FHIP2A: variants seen among roughly 807,000 people sequenced by gnomAD.
The protein encoded by FHIP2A is family with sequence similarity 160 member B1.
A neutral mutation model predicts 93.5 loss-of-function variants in FHIP2A; 46 were observed. The observed-to-expected ratio is 0.49, with a 90% CI of 0.39 to 0.63. FHIP2A has a LOEUF of 0.63. Among genes scored for constraint, FHIP2A ranks in the 20% least tolerant of loss-of-function variants. The pLI, the probability that FHIP2A is intolerant of heterozygous loss-of-function variation, is 0.00. For missense variants in FHIP2A, 769 were observed against 909.7 expected, an observed-to-expected ratio of 0.85 and a Z score of 1.99; for synonymous variants, 332 against 326.5, an observed-to-expected ratio of 1.02 and a Z score of -0.18.
chr10:114,827,878 A>ATTTC (rs1242731685), intron 1 of FHIP2A, among the ~76,000 whole-genome samples: 2 of 151,950 alleles, frequency 1.3e-5, no homozygotes, highest in Non-Finnish European at 2.9e-5. Flanking sequence ...AGCTTTGCAG[A>ATTTC]GAAAGCGAAG....
chr10:114,899,054 G>C (rs1566393128), intron 16 of FHIP2A, among the ~76,000 whole-genome samples: 1 of 152,192 alleles, frequency 6.6e-6, no homozygotes, highest in Non-Finnish European at 1.5e-5. Flanking sequence ...CCTCCTAGAG[G>C]ATGGACAACC....
At chr10:114,887,101 T>A (rs4752347) in intron 16 of FHIP2A, among the ~76,000 whole-genome samples, 81,145 of 151,984 alleles carry the variant, frequency 0.53, 22,010 homozygotes, top group African/African-American at 0.62. Flanking sequence ...GATGGAAAAC[T>A]TTGAGTCATT....
intron 16 of FHIP2A, among the ~76,000 whole-genome samples, chr10:114,876,592 C>A (rs1053467755): frequency 2.6e-5 from 4 of 152,172 alleles, no homozygotes; most frequent in African/African-American, 9.7e-5. Context: ...TTCTCAGAAC[C>A]CTCTCGGGTT....
chr10:114,843,333 T>G (rs1338808677), intron 6 of FHIP2A, 107 bp downstream of exon 6: 26 of 602,346 alleles, frequency 4.3e-5, no homozygotes, highest in South Asian at 8.0e-5. Context: ...TGAGATGGAG[T>G]CTTGCTGTGT....
At chr10:114,880,480 G>A (rs1465862723) in intron 16 of FHIP2A, among the ~76,000 whole-genome samples, 1 of 152,200 alleles carries the variant, frequency 6.6e-6, no homozygotes, top group African/African-American at 2.4e-5. Flanking sequence ...AGGAGTTGGA[G>A]ACCAGCCTGG....
intron 5 of FHIP2A, among the ~76,000 whole-genome samples, chr10:114,837,681 CATG>C (rs2083643995): frequency 6.6e-6 from 1 of 152,200 alleles, no homozygotes; most frequent in Non-Finnish European, 1.5e-5. Flanking sequence ...CACACTACCC[CATG>C]ATCCTCTGTA....
chr10:114,848,049 T>C (rs7911006), intron 12 of FHIP2A, among the ~76,000 whole-genome samples: 7,677 of 152,286 alleles, frequency 0.05, 344 homozygotes, highest in Admixed American at 0.12. Context: ...GATGTACTTA[T>C]TAAACATGTG....
At chr10:114,880,419 C>A (rs111273310) in intron 16 of FHIP2A, among the ~76,000 whole-genome samples, 17,697 of 152,152 alleles carry the variant, frequency 0.12, 1,549 homozygotes, top group African/African-American at 0.22. Flanking sequence ...GGGGCTCATG[C>A]CTGTAATCCC....
At chr10:114,846,949 C>A in intron 11 of FHIP2A, 141 bp from the exon 12 acceptor site, 2 of 833,282 alleles carry the variant, frequency 2.4e-6, no homozygotes, top group Non-Finnish European at 3.6e-6. Context: ...TGTTAATTTG[C>A]CTAGAAAATA....
Position 114,843,812 on chromosome 10 carries a change from A to G in FHIP2A, c.888A>G (p.Ala296=), listed in dbSNP as rs1469841214. The G allele has an allele frequency of 1.9e-6, 3 of 1,603,698 alleles. No individual in the cohort carries two copies. The highest frequency in any genetic ancestry group is 2.7e-5 in the African/African-American group (2 of 74,374). The change falls in exon 7 of 17, where the codon GCA becomes GCG. Residue 296 remains alanine, a synonymous_variant. Transcript: ENST00000369248. Reference sequence around the variant, plus strand: ...TAAGTTTGCCAGAGCCTGCGGCTGCAAAGTGCCTTACACAGAGCACTTGCT... The same window carrying G: ...TAAGTTTGCCAGAGCCTGCGGCTGCGAAGTGCCTTACACAGAGCACTTGCT... ...LLVSLPEPAA[A]KCLTQSTCLC... is the part of the protein sequence containing the mutation.
intron 16 of FHIP2A, among the ~76,000 whole-genome samples, chr10:114,877,424 AATTTTGC>A (rs2083895109): frequency 6.6e-6 from 1 of 152,112 alleles, no homozygotes; most frequent in Non-Finnish European, 1.5e-5. Context: ...CTCAATATAG[AATTTTGC>A]ATTCAATCAA....
intron 16 of FHIP2A, among the ~76,000 whole-genome samples, chr10:114,873,256 C>T (rs2083867867): frequency 6.6e-6 from 1 of 152,034 alleles, no homozygotes; most frequent in Non-Finnish European, 1.5e-5. Flanking sequence ...TTGTAGGATG[C>T]CCTCTATTGG....
At chr10:114,830,552 G>A (rs1300812890) in intron 1 of FHIP2A, among the ~76,000 whole-genome samples, 1 of 152,088 alleles carries the variant, frequency 6.6e-6, no homozygotes, top group Non-Finnish European at 1.5e-5. Flanking sequence ...GATTAGGGGT[G>A]TGAGCCACTG....
chr10:114,871,515 A>C (rs537306903), intron 16 of FHIP2A, among the ~76,000 whole-genome samples: 181 of 152,068 alleles, frequency 1.2e-3, no homozygotes, highest in African/African-American at 4.0e-3. Context: ...CTGGGTTATT[A>C]TTTCTGGATG....
intron 16 of FHIP2A, among the ~76,000 whole-genome samples, chr10:114,877,289 CGAG>C (rs2083894196): frequency 6.6e-6 from 1 of 152,034 alleles, no homozygotes; most frequent in Admixed American, 6.6e-5. Context: ...CGGCGCCGCC[CGAG>C]GGTTCAGGTC....
intron 16 of FHIP2A, among the ~76,000 whole-genome samples, chr10:114,893,983 C>A (rs1423859055): frequency 3.3e-5 from 5 of 151,970 alleles, no homozygotes; most frequent in Non-Finnish European, 7.4e-5. Context: ...TGATTTTCAT[C>A]TTATTTTTTC....
At chr10:114,872,201 A>G (rs2083863208) in intron 16 of FHIP2A, among the ~76,000 whole-genome samples, 1 of 152,142 alleles carries the variant, frequency 6.6e-6, no homozygotes, top group Non-Finnish European at 1.5e-5. Flanking sequence ...TTATAGACCT[A>G]AAAGACAAAA....
At chr10:114,898,773 T>C (rs2084012987) in intron 16 of FHIP2A, among the ~76,000 whole-genome samples, 1 of 152,238 alleles carries the variant, frequency 6.6e-6, no homozygotes, top group African/African-American at 2.4e-5. Flanking sequence ...AGGGTTATTA[T>C]GATGCTTAAA....
In FHIP2A at chr10:114,839,288, G is replaced by A. The variant is rs373427891; in HGVS notation, c.522+3042G>A. ...ATTACAGGTGCGCACCACCACGCCC[G>A]GCTAATTTTTGTATTTTTAGTAGAG... is the stretch of plus-strand genomic sequence containing the variant. On this transcript the variant is annotated intron_variant, in intron 5 of 16. Transcript: ENST00000369248. Among the ~76,000 whole-genome samples the A allele has an allele frequency of 5.6e-3, 856 of 151,882 alleles. 6 individuals carry two copies. Among genetic ancestry groups the A allele is most frequent in the Middle Eastern group, 0.027 (8 of 292 alleles).
Sources: allele counts gnomAD v4.1 joint callset (sites outside exome capture counted in the v4.1 genomes callset), GRCh38; gene constraint gnomAD v4.1.1; transcripts MANE v1.5; gene names NCBI Gene and HGNC (gene_info 2026-07-23, HGNC 2026-07-21).